AXIN1: variants seen among roughly 807,000 people sequenced by gnomAD.
AXIN1 encodes axin-1.
In AXIN1, 30 loss-of-function variants were observed where a neutral mutation model predicts 76.4. The observed-to-expected ratio is 0.39, with a 90% CI of 0.29 to 0.53. The LOEUF (loss-of-function observed/expected upper bound fraction) is 0.53. Among genes scored for constraint, AXIN1 ranks in the 20% least tolerant of loss-of-function variants. The pLI, the probability that AXIN1 is intolerant of heterozygous loss-of-function variation, is 0.66. For synonymous variants in AXIN1, 545 were observed against 501.4 expected (o/e 1.09, Z -1.16); for missense variants, 1,140 against 1,198.8 (o/e 0.95, Z 0.72).
At chr16:317,236 C>CA (rs768161574) in intron 2 of AXIN1, among the ~76,000 whole-genome samples, 3 of 152,210 alleles carry the variant, frequency 2.0e-5, no homozygotes, top group Non-Finnish European at 4.4e-5. Flanking sequence ...GATGAGCGAG[C>CA]ACTGCGAGCT....
At chr16:309,857 T>C in intron 4 of AXIN1, 116 bp downstream of exon 4, 1 of 986,540 alleles carries the variant, frequency 1.0e-6, no homozygotes. Flanking sequence ...CGCTTACGCC[T>C]AGAGGTAAGC....
At chr16:328,176 G>C (rs1425693878) in intron 2 of AXIN1, among the ~76,000 whole-genome samples, 1 of 152,176 alleles carries the variant, frequency 6.6e-6, no homozygotes, top group Non-Finnish European at 1.5e-5. Context: ...TGGATCACTT[G>C]AGTCCTGGAG....
In AXIN1 at chr16:287,875, T is replaced by G. The variant is rs111791381; in HGVS notation, c.*247A>C. The G allele has an allele frequency of 3.1e-4, 186 of 606,160 alleles. No homozygotes were observed. The highest frequency in any genetic ancestry group is 3.1e-3 in the African/African-American group (166 of 54,172). 37.5% of individuals were successfully genotyped at this position (606,160 alleles called of 1,614,324 possible). A position where few individuals can be genotyped will look rare whatever the true frequency, so the allele number is the denominator to read the frequency against. ...GCAGCAGGGACCTCGGCTGCCTCAC[T>G]TGGGCTGGGCCCTCCAAGTATTGCT... On this transcript the variant is annotated 3_prime_UTR_variant, in exon 11 of 11. Transcript: ENST00000262320.
chr16:336,088 A>G (rs770204344), intron 2 of AXIN1, among the ~76,000 whole-genome samples: 7 of 152,210 alleles, frequency 4.6e-5, no homozygotes, highest in Non-Finnish European at 7.3e-5. Flanking sequence ...TACAAAAATT[A>G]GCTGGGTGTG....
chr16:308,580 C>T (rs1035184853), intron 4 of AXIN1, among the ~76,000 whole-genome samples: 1 of 152,262 alleles, frequency 6.6e-6, no homozygotes, highest in South Asian at 2.1e-4. Context: ...CTCGGGCCTC[C>T]GTCATCCCAG....
In AXIN1 at chr16:289,511, G is replaced by A. The variant is rs2141467910; in HGVS notation, c.2391C>T (p.Arg797=). 3.7e-6 allele frequency: 6 copies of A among 1,612,986 alleles called. No homozygotes were observed. Among genetic ancestry groups the A allele is most frequent in the African/African-American group, 1.3e-5 (1 of 75,054 alleles). The part of the protein sequence containing the change: ...YYFCGEPIPY[R]TLVRGRAVTL... Reference sequence around the variant, plus strand: ...TGACAGCGCGGCCCCTCACCAGGGTGCGGTAGGGGATGGGTTCCCCGCAGA... The same window carrying A: ...TGACAGCGCGGCCCCTCACCAGGGTACGGTAGGGGATGGGTTCCCCGCAGA... The change falls in exon 10 of 11, where the codon CGC becomes CGT. Residue 797 remains arginine (R), a synonymous_variant. Transcript: ENST00000262320.
intron 2 of AXIN1, among the ~76,000 whole-genome samples, chr16:342,262 A>G (rs1450515570): frequency 6.6e-6 from 1 of 152,142 alleles, no homozygotes; most frequent in Non-Finnish European, 1.5e-5. Context: ...AGAAACTCCG[A>G]ACACCTCCGA....
chr16:327,141 C>CAAA (rs888360786), intron 2 of AXIN1, among the ~76,000 whole-genome samples: 20 of 142,080 alleles, frequency 1.4e-4, no homozygotes, highest in African/African-American at 4.9e-4. Flanking sequence ...GGCTCCGTCT[C>CAAA]AAAAAAAAAA....
At chr16:290,951 C>T (rs949406539) in intron 9 of AXIN1, 15 of 580,522 alleles carry the variant, frequency 2.6e-5, no homozygotes, top group Middle Eastern at 4.6e-4. Context: ...CCCAGGCCTC[C>T]AGCCGGGCCT....
intron 4 of AXIN1, among the ~76,000 whole-genome samples, chr16:308,575 G>A (rs1216844024): frequency 6.6e-6 from 1 of 152,252 alleles, no homozygotes; most frequent in African/African-American, 2.4e-5. Flanking sequence ...TGTCTCTCGG[G>A]CCTCCGTCAT....
chr16:344,474 TTG>T (rs2141694267), intron 2 of AXIN1, among the ~76,000 whole-genome samples: 2 of 141,766 alleles, frequency 1.4e-5, no homozygotes, highest in African/African-American at 2.5e-5. Context: ...CAATCCTTTT[TTG>T]TTTTTTTTTT....
chr16:336,405 G>A (rs1597101987), intron 2 of AXIN1, among the ~76,000 whole-genome samples: 1 of 152,306 alleles, frequency 6.6e-6, no homozygotes, highest in South Asian at 2.1e-4. Flanking sequence ...GGACCGAACC[G>A]TGTCGCCCAA....
chr16:351,112 A>G (rs1209465052), intron 1 of AXIN1, among the ~76,000 whole-genome samples: 10 of 149,332 alleles, frequency 6.7e-5, no homozygotes, highest in Admixed American at 4.7e-4. Context: ...AGCCTGGGCA[A>G]CAAGAGCAAA....
Position 287,682 on chromosome 16 carries a change from G to A in AXIN1, c.*440C>T, listed in dbSNP as rs529831203. On this transcript the variant is annotated 3_prime_UTR_variant, in exon 11 of 11. Coordinates refer to ENST00000262320, the MANE Select transcript of AXIN1 (RefSeq NM_003502.4). ...TGGCAGGCAAGAGACAAGCTGTGTTGAAGGCACTCGGTGGCGCGTACAATT... is the reference window on the plus strand; with the variant it reads ...TGGCAGGCAAGAGACAAGCTGTGTTAAAGGCACTCGGTGGCGCGTACAATT... The A allele has an allele frequency of 1.5e-4, 52 of 339,480 alleles. No individual in the cohort carries two copies. In the South Asian group the frequency reaches 1.9e-3, roughly 12 times the overall value. The allele number at this position is 339,480 out of a possible 1,614,324, so 21.0% of individuals were successfully genotyped here. A position where few individuals can be genotyped will look rare whatever the true frequency, so the allele number is the denominator to read the frequency against.
At chr16:304,206 C>T (rs1288306486) in intron 5 of AXIN1, 98 bp downstream of exon 5, 5 of 1,587,586 alleles carry the variant, frequency 3.1e-6, no homozygotes, top group Non-Finnish European at 4.3e-6. Flanking sequence ...AGGCCTCGGC[C>T]AGCCCCGGGC....
chr16:302,888 A>AT (rs535265838), intron 5 of AXIN1, among the ~76,000 whole-genome samples: 16 of 151,190 alleles, frequency 1.1e-4, no homozygotes, highest in African/African-American at 2.4e-4. Flanking sequence ...AAGCAAAGGC[A>AT]TTTTTTTTTG....
chr16:341,296 T>A (rs1296997284), intron 2 of AXIN1, among the ~76,000 whole-genome samples: 1 of 152,218 alleles, frequency 6.6e-6, no homozygotes, highest in Non-Finnish European at 1.5e-5. Flanking sequence ...CGCGGCTGCA[T>A]GCGCTTGCAG....
chr16:338,426 C>T (rs1171336420), intron 2 of AXIN1, among the ~76,000 whole-genome samples: 1 of 152,240 alleles, frequency 6.6e-6, no homozygotes, highest in Non-Finnish European at 1.5e-5. Flanking sequence ...CAAAGTGCTT[C>T]CCTTTCACAA....
intron 3 of AXIN1, among the ~76,000 whole-genome samples, chr16:313,351 A>G (rs544367334): frequency 3.9e-4 from 59 of 152,336 alleles, no homozygotes; most frequent in African/African-American, 9.6e-4. Flanking sequence ...ATCACTTAAA[A>G]CATATTCATA....
Sources: gnomAD v4.1 joint callset for allele counts (sites outside exome capture counted in the v4.1 genomes callset) on GRCh38, gnomAD v4.1.1 for gene constraint, MANE v1.5 for transcripts, NCBI Gene and HGNC (gene_info 2026-07-23, HGNC 2026-07-21) for gene names.